ZSWIM5: variants seen among roughly 807,000 people sequenced by gnomAD.
The protein encoded by ZSWIM5 is zinc finger SWIM domain-containing protein 5.
A neutral mutation model predicts 119.6 loss-of-function variants in ZSWIM5; 55 were observed. That is an observed-to-expected ratio of 0.46 (90% CI 0.37 to 0.58). The LOEUF (loss-of-function observed/expected upper bound fraction) is 0.58. ZSWIM5 is among the 20% of genes least tolerant of loss of function. The pLI is 0.00. For missense variants in ZSWIM5, 1,193 were observed against 1,512.8 expected, an observed-to-expected ratio of 0.79 and a Z score of 3.51; for synonymous variants, 537 against 606.9, an observed-to-expected ratio of 0.88 and a Z score of 1.69.
At chr1:45,031,336 T>C (rs10789453) in intron 11 of ZSWIM5, among the ~76,000 whole-genome samples, 150,228 of 151,584 alleles carry the variant, frequency 0.99, 74,458 homozygotes, top group Middle Eastern at 1. Flanking sequence ...GCCACCATGC[T>C]CACGCAATTT....
At chr1:45,052,516 T>C (rs1645095004) in intron 4 of ZSWIM5, among the ~76,000 whole-genome samples, 1 of 152,262 alleles carries the variant, frequency 6.6e-6, no homozygotes, top group South Asian at 2.1e-4. Flanking sequence ...ACACTTATAA[T>C]CCCAGCACTT....
chr1:45,163,925 A>G (rs1041827692), intron 1 of ZSWIM5, among the ~76,000 whole-genome samples: 10 of 152,256 alleles, frequency 6.6e-5, no homozygotes, highest in Non-Finnish European at 1.5e-4. Context: ...AACTTCCCCA[A>G]CCTAGCAAGG....
chr1:45,060,931 T>C (rs893056094), intron 2 of ZSWIM5, among the ~76,000 whole-genome samples: 8 of 152,214 alleles, frequency 5.3e-5, no homozygotes, highest in Admixed American at 6.5e-5. Flanking sequence ...CCCAACTCAG[T>C]CTCCCAAAGT....
chr1:45,082,946 G>C (rs1308077568), intron 2 of ZSWIM5, among the ~76,000 whole-genome samples: 9 of 152,148 alleles, frequency 5.9e-5, no homozygotes, highest in African/African-American at 2.2e-4. Flanking sequence ...AAATAATTCT[G>C]GGGGAAAAGA....
At chr1:45,141,802 AG>A (rs201029708) in intron 1 of ZSWIM5, among the ~76,000 whole-genome samples, 10,984 of 152,234 alleles carry the variant, frequency 0.072, 481 homozygotes, top group Non-Finnish European at 0.1. Context: ...CAGATAAAAA[AG>A]AATATCATGT....
chr1:45,141,254 CT>C (rs1645724987), intron 1 of ZSWIM5, among the ~76,000 whole-genome samples: 1 of 152,160 alleles, frequency 6.6e-6, no homozygotes, highest in Non-Finnish European at 1.5e-5. Context: ...AATTCTCACT[CT>C]GTCTTTTTCT....
At chr1:45,081,035 T>G (rs937785611) in intron 2 of ZSWIM5, among the ~76,000 whole-genome samples, 10 of 152,210 alleles carry the variant, frequency 6.6e-5, no homozygotes, top group African/African-American at 2.4e-4. Flanking sequence ...ATTTTATTCC[T>G]GCTGTTTTAG....
At chr1:45,192,245 C>A (rs1646097151) in intron 1 of ZSWIM5, among the ~76,000 whole-genome samples, 2 of 152,166 alleles carry the variant, frequency 1.3e-5, no homozygotes, top group Admixed American at 6.6e-5. Context: ...TTCATCCTCC[C>A]ATACTAAAAT....
intron 1 of ZSWIM5, among the ~76,000 whole-genome samples, chr1:45,202,582 C>T (rs373440286): frequency 9.2e-5 from 14 of 152,104 alleles, no homozygotes; most frequent in African/African-American, 3.1e-4. Flanking sequence ...TTGAAGTCAC[C>T]TGTCAAAATC....
intron 1 of ZSWIM5, among the ~76,000 whole-genome samples, chr1:45,154,526 A>T (rs1557782348): frequency 6.6e-6 from 1 of 152,188 alleles, no homozygotes; most frequent in Non-Finnish European, 1.5e-5. Context: ...GTGCTGGGAT[A>T]ATTGACAAGC....
intron 1 of ZSWIM5, among the ~76,000 whole-genome samples, chr1:45,180,753 A>C (rs896300849): frequency 1.3e-5 from 2 of 152,154 alleles, no homozygotes; most frequent in African/African-American, 4.8e-5. Context: ...AGGAACGATC[A>C]GACAGCAGCA....
At chr1:45,180,789 T>C (rs1646012931) in intron 1 of ZSWIM5, among the ~76,000 whole-genome samples, 1 of 152,078 alleles carries the variant, frequency 6.6e-6, no homozygotes, top group South Asian at 2.1e-4. Flanking sequence ...AATCTGCGGT[T>C]CTGCAGACAC....
chr1:45,057,215 T>C lies in ZSWIM5; in HGVS notation c.1252+1394A>G, dbSNP rs1232969337. Among the ~76,000 whole-genome samples, 2 of 152,190 alleles carry C rather than the reference T, an allele frequency of 1.3e-5. No homozygotes were observed. The highest frequency in any genetic ancestry group is 4.8e-5 in the African/African-American group (2 of 41,450). On this transcript the variant is annotated intron_variant, in intron 4 of 13. Transcript: ENST00000359600. The surrounding 1 kb of genome is among the most constrained non-coding windows in gnomAD (Gnocchi z 4.7). ...ACTCCAAACCTACTAATTCAGAAAC[T>C]CGGGATAGGGCCCAGTGATCTGTTT...
intron 2 of ZSWIM5, among the ~76,000 whole-genome samples, chr1:45,067,384 G>A (rs1304317644): frequency 1.3e-5 from 2 of 151,392 alleles, no homozygotes; most frequent in Non-Finnish European, 2.9e-5. Flanking sequence ...AGGCTGCAGT[G>A]AGCTGTGATT....
At chr1:45,096,240 T>C (rs897550701) in intron 1 of ZSWIM5, among the ~76,000 whole-genome samples, 7 of 152,078 alleles carry the variant, frequency 4.6e-5, no homozygotes, top group Admixed American at 2.0e-4. Context: ...AGAGAAGCAA[T>C]ATATAATGTT....
At chr1:45,200,171 A>G (rs1646150458) in intron 1 of ZSWIM5, among the ~76,000 whole-genome samples, 1 of 152,210 alleles carries the variant, frequency 6.6e-6, no homozygotes, top group Non-Finnish European at 1.5e-5. Context: ...GACAAACCAC[A>G]TTATACATCC....
At chr1:45,022,030 A>AAG (rs1553186729) in intron 11 of ZSWIM5, among the ~76,000 whole-genome samples, 2 of 151,438 alleles carry the variant, frequency 1.3e-5, no homozygotes, top group Admixed American at 1.3e-4. Flanking sequence ...TCAAAAAAAA[A>AAG]AAAATAAATA....
chr1:45,077,448 G>A (rs1032601264), intron 2 of ZSWIM5, among the ~76,000 whole-genome samples: 2 of 152,158 alleles, frequency 1.3e-5, no homozygotes, highest in African/African-American at 4.8e-5. Context: ...GGGAGGGAGT[G>A]TGCGAATAGA....
At chr1:45,119,755 G>C (rs1645580234) in intron 1 of ZSWIM5, among the ~76,000 whole-genome samples, 1 of 152,024 alleles carries the variant, frequency 6.6e-6, no homozygotes, top group Admixed American at 6.6e-5. Context: ...ATTTACCTTT[G>C]TATCTCCAAA....
Sources: gnomAD v4.1 joint callset for allele counts (sites outside exome capture counted in the v4.1 genomes callset) on GRCh38, gnomAD v4.1.1 for gene constraint, Gnocchi (gnomAD v3.1) non-coding constraint, MANE v1.5 for transcripts, NCBI Gene and HGNC (gene_info 2026-07-23, HGNC 2026-07-21) for gene names.